MRPS18C: variants seen among roughly 807,000 people sequenced by gnomAD.
MRPS18C encodes the protein mitochondrial ribosomal protein S18C.
MRPS18C carries 21 observed loss-of-function variants against 21.0 expected under a neutral mutation model. The ratio of observed to expected loss-of-function variants is 1.00; its 90% confidence interval spans 0.71 to 1.44. The LOEUF (loss-of-function observed/expected upper bound fraction) is 1.44. Among genes scored for constraint, MRPS18C ranks in the 40% most tolerant of loss-of-function variants. The pLI is 0.00. For missense variants in MRPS18C, 152 were observed against 171.5 expected (o/e 0.89, Z 0.64); for synonymous variants, 65 against 54.3 (o/e 1.20, Z -0.87).
At chr4:83,460,066 T>C (rs946329226) in intron 4 of MRPS18C, 7 of 256,244 alleles carry the variant, frequency 2.7e-5, no homozygotes, top group Non-Finnish European at 5.1e-5. Context: ...CATTCCTAGA[T>C]TGATACTTAA....
Position 83,461,392 on chromosome 4 carries a change from G to T in MRPS18C, c.*195G>T. The T allele has an allele frequency of 1.8e-6, 1 of 552,622 alleles. No homozygotes were observed. Among genetic ancestry groups the T allele is most frequent in the African/African-American group, 1.9e-5 (1 of 53,108 alleles). 34.2% of individuals were successfully genotyped at this position (552,622 alleles called of 1,614,324 possible). ...ACACTCATCACATTTTATCTATGTT[G>T]AATAAAAGTGGTTCTGTGTGATTGT... On this transcript the variant is annotated 3_prime_UTR_variant, in exon 6 of 6. Transcript: ENST00000295491.
At chr4:83,459,609 T>C in intron 3 of MRPS18C, 131 bp from the exon 4 acceptor site, 1 of 740,750 alleles carries the variant, frequency 1.3e-6, no homozygotes, top group South Asian at 2.0e-5. Flanking sequence ...TATTTTTTTC[T>C]TATATTTTAT....
At chr4:83,456,267 C>T (rs1221342742) in intron 1 of MRPS18C, 90 bp downstream of exon 1, 2 of 1,123,932 alleles carry the variant, frequency 1.8e-6, no homozygotes, top group South Asian at 1.3e-5. Flanking sequence ...AGCAAAACGA[C>T]TCTGGTTTCT....
Position 83,462,015 on chromosome 4 carries a change from T to TA in MRPS18C, c.*819dup. The TA allele has an allele frequency of 4.4e-6, 1 of 228,458 alleles. No individual in the cohort carries two copies. The highest frequency in any genetic ancestry group is 8.7e-6 in the Non-Finnish European group (1 of 115,108). 14.2% of individuals were successfully genotyped at this position (228,458 alleles called of 1,614,324 possible). A position where few individuals can be genotyped will look rare whatever the true frequency, so the allele number is the denominator to read the frequency against. On this transcript the variant is annotated 3_prime_UTR_variant, in exon 6 of 6. Coordinates refer to ENST00000295491, the MANE Select transcript of MRPS18C (RefSeq NM_016067.4). ...TTTTAATGACTCAGATAAATTTTCA[T>TA]ATAAATTTCTTTCCATATTTTGAAA... is the stretch of plus-strand genomic sequence containing the variant.
rs1289646709 is a variant in MRPS18C, at chr4:83,461,202, T to C, written c.*5T>C. The C allele has an allele frequency of 5.6e-6, 9 of 1,610,322 alleles. No individual in the cohort carries two copies. The highest frequency in any genetic ancestry group is 6.8e-6 in the Non-Finnish European group (8 of 1,178,234). On this transcript the variant is annotated 3_prime_UTR_variant, in exon 6 of 6. Transcript: ENST00000295491. ...AACATCAGATATCGGGAATAAATTC[T>C]ATCACGTTACCACTAATAAACTTAT...
intron 5 of MRPS18C, 36 bp downstream of exon 5, chr4:83,461,068 G>A (rs1722087349): frequency 6.2e-7 from 1 of 1,611,870 alleles, no homozygotes; most frequent in South Asian, 1.1e-5. Flanking sequence ...AATTGAGCTA[G>A]CTGAAATTTT....
chr4:83,462,198 T>C lies in MRPS18C; in HGVS notation c.*1001T>C, dbSNP rs1358777497. 2.6e-6 allele frequency: 1 copy of C among 382,504 alleles called. No homozygotes were observed. Among genetic ancestry groups the C allele is most frequent in the African/African-American group, 2.1e-5 (1 of 48,348 alleles). 23.7% of individuals were successfully genotyped at this position (382,504 alleles called of 1,614,324 possible). On this transcript the variant is annotated 3_prime_UTR_variant, in exon 6 of 6. Transcript: ENST00000295491. ...GTGAGCCACTGTGCCTGGTCTCACT[T>C]TTCCAATTCTAAAGAATGTGTCTGT... is the stretch of plus-strand genomic sequence containing the variant.
In MRPS18C at chr4:83,456,135, G is replaced by A. The variant is rs1721806617; in HGVS notation, c.58G>A (p.Val20Ile). ...AGGGAGGAAGAAGTTGACACACTTG[G>A]TAACGGCTGCTGTCAGCCTTACACA... ...GLGRKKLTHL[V>I]TAAVSLTHPG... Residue 20 changes from valine (V) to isoleucine (I), a missense_variant, in exon 1 of 6, where the codon GTA becomes ATA. Val to Ile is a conservative substitution (Grantham distance 29). Coordinates refer to ENST00000295491, the MANE Select transcript of MRPS18C (RefSeq NM_016067.4). 6.2e-7 allele frequency: 1 copy of A among 1,613,628 alleles called. No individual in the cohort carries two copies. Among genetic ancestry groups the A allele is most frequent in the Non-Finnish European group, 8.5e-7 (1 of 1,180,020 alleles).
At position 83,459,627 on chromosome 4, in the gene MRPS18C, G is replaced by A. The variant is rs972068152; in HGVS notation, c.235-113G>A. ...TTTTTTCTTATATTTTATGAAATGTGTCTGAAATTTAGTAAAGCTTTATAT... is the reference window on the plus strand; with the variant it reads ...TTTTTTCTTATATTTTATGAAATGTATCTGAAATTTAGTAAAGCTTTATAT... On this transcript the variant is annotated intron_variant, in intron 3 of 5. Coordinates refer to ENST00000295491, the MANE Select transcript of MRPS18C (RefSeq NM_016067.4). The A allele has an allele frequency of 8.1e-6, 7 of 866,376 alleles. No homozygotes were observed. In the African/African-American group the frequency reaches 1.2e-4, roughly 15 times the overall value. The allele number at this position is 866,376 out of a possible 1,614,324, so 53.7% of individuals were successfully genotyped here.
intron 1 of MRPS18C, 26 bp from the exon 2 acceptor site, chr4:83,456,883 T>G (rs1721853658): frequency 6.2e-7 from 1 of 1,607,932 alleles, no homozygotes. Flanking sequence ...AAGAAATGGT[T>G]AATTGCTGTT....
In MRPS18C at chr4:83,461,486, G is replaced by C. The variant is rs1426380014; in HGVS notation, c.*289G>C. The C allele has an allele frequency of 2.9e-6, 1 of 342,800 alleles. No individual in the cohort carries two copies. The highest frequency in any genetic ancestry group is 4.4e-5 in the East Asian group (1 of 22,868). The allele number at this position is 342,800 out of a possible 1,614,324, so 21.2% of individuals were successfully genotyped here. A position where few individuals can be genotyped will look rare whatever the true frequency, so the allele number is the denominator to read the frequency against. ...AATAGAATGGAATTAAAACTGTTCAGAATGATTTTCCAACTAGCAAATATA... is the reference window on the plus strand; with the variant it reads ...AATAGAATGGAATTAAAACTGTTCACAATGATTTTCCAACTAGCAAATATA... On this transcript the variant is annotated 3_prime_UTR_variant, in exon 6 of 6. Coordinates refer to ENST00000295491, the MANE Select transcript of MRPS18C (RefSeq NM_016067.4).
At chr4:83,459,144 C>CAAAAAA (rs59202184) in intron 3 of MRPS18C, 26 of 48,104 alleles carry the variant, frequency 5.4e-4, no homozygotes, top group South Asian at 8.4e-4. Context: ...AAAACTCTGT[C>CAAAAAA]AAAAAAAAAA....
Position 83,462,112 on chromosome 4 carries a change from C to CT in MRPS18C, c.*916dup, listed in dbSNP as rs1329194329. On this transcript the variant is annotated 3_prime_UTR_variant, in exon 6 of 6. Transcript: ENST00000295491. ...CTCAATACGTTGCCCAGGCTGGTCT[C>CT]TAACTCCTAACTTCAATCAATCCTC... 8.1e-6 allele frequency: 2 copies of CT among 248,266 alleles called. No homozygotes were observed. The highest frequency in any genetic ancestry group is 2.2e-5 in the African/African-American group (1 of 45,696). The allele number at this position is 248,266 out of a possible 1,614,324, so 15.4% of individuals were successfully genotyped here.
rs1722098849 is a variant in MRPS18C, at chr4:83,461,223, C to A, written c.*26C>A. 2 of 1,596,916 alleles carry A rather than the reference C, an allele frequency of 1.3e-6. No individual in the cohort carries two copies. The highest frequency in any genetic ancestry group is 1.7e-6 in the Non-Finnish European group (2 of 1,166,592). On this transcript the variant is annotated 3_prime_UTR_variant, in exon 6 of 6. Coordinates refer to ENST00000295491, the MANE Select transcript of MRPS18C (RefSeq NM_016067.4). ...ATTCTATCACGTTACCACTAATAAACTTATTTTACAGTAAGTGGTTGTATG... is the reference window on the plus strand; with the variant it reads ...ATTCTATCACGTTACCACTAATAAAATTATTTTACAGTAAGTGGTTGTATG...
rs199771286 is a variant in MRPS18C, at chr4:83,456,134, G to C, written c.57G>C (p.Leu19Phe). 933 of 1,613,644 alleles carry C rather than the reference G, an allele frequency of 5.8e-4. 4 individuals are homozygous for C. Among genetic ancestry groups the C allele is most frequent in the Middle Eastern group, 4.1e-3 (23 of 5,606 alleles). The stretch of plus-strand genomic sequence containing the variant: ...TAGGGAGGAAGAAGTTGACACACTT[G>C]GTAACGGCTGCTGTCAGCCTTACAC... ...GGLGRKKLTH[L>F]VTAAVSLTHP... is the part of the protein sequence containing the mutation. Residue 19 changes from leucine to phenylalanine, a missense_variant, in exon 1 of 6, where the codon TTG becomes TTC. Around this residue, in one of 2 missense-constraint regions of MRPS18C, gnomAD observed 118 missense variants for 104.4 expected, o/e 1.13. Transcript: ENST00000295491.
rs1721864817 is a variant in MRPS18C at position 83,456,970 on chromosome 4, T to C, written c.150+12T>C. 1 of 1,610,956 alleles carries C rather than the reference T, an allele frequency of 6.2e-7. No homozygotes were observed. The highest frequency in any genetic ancestry group is 8.5e-7 in the Non-Finnish European group (1 of 1,179,444). On this transcript the variant is annotated intron_variant, in intron 2 of 5. Coordinates refer to ENST00000295491, the MANE Select transcript of MRPS18C (RefSeq NM_016067.4). Reference sequence around the variant, plus strand: ...GCAATGAGGACCTGGTAAGAATTTTTTTTTCTATTAGTAAGGCCTTTGCAA... The same window carrying C: ...GCAATGAGGACCTGGTAAGAATTTTCTTTTCTATTAGTAAGGCCTTTGCAA...
In MRPS18C at chr4:83,456,977, A is replaced by C. The variant is rs768802564; in HGVS notation, c.150+19A>C. ...GGACCTGGTAAGAATTTTTTTTTCT[A>C]TTAGTAAGGCCTTTGCAAATATGAC... On this transcript the variant is annotated intron_variant, in intron 2 of 5. Coordinates refer to ENST00000295491, the MANE Select transcript of MRPS18C (RefSeq NM_016067.4). The C allele has an allele frequency of 3.7e-6, 6 of 1,608,308 alleles. No homozygotes were observed. The Admixed American group carries it at 6.7e-5, about 18-fold the overall frequency.
Position 83,458,332 on chromosome 4 carries a change from GT to G in MRPS18C, c.151-7del, listed in dbSNP as rs752046899. 6.4e-7 allele frequency: 1 copy of G among 1,554,638 alleles called. No individual in the cohort carries two copies. The highest frequency in any genetic ancestry group is 1.1e-5 in the South Asian group (1 of 87,816). On this transcript the variant is annotated splice_polypyrimidine_tract_variant and intron_variant, in intron 2 of 5. Coordinates refer to ENST00000295491, the MANE Select transcript of MRPS18C (RefSeq NM_016067.4). ...AACACATCCTATTATCAGACTTTTC[GT>G]TTTTTTCCCTAGCCCATTTCAATGG... is the stretch of plus-strand genomic sequence containing the variant.
In MRPS18C at chr4:83,461,775, A is replaced by G. The variant is rs1722127984; in HGVS notation, c.*578A>G. 1 of 228,484 alleles carries G rather than the reference A, an allele frequency of 4.4e-6. No homozygotes were observed. Among genetic ancestry groups the G allele is most frequent in the Non-Finnish European group, 8.7e-6 (1 of 115,244 alleles). The allele number at this position is 228,484 out of a possible 1,614,324, so 14.2% of individuals were successfully genotyped here. ...CTGTATTCAAAATGATAGATTTGCT[A>G]AATTTCATGCAAAGGACTCTAAACT... On this transcript the variant is annotated 3_prime_UTR_variant, in exon 6 of 6. Coordinates refer to ENST00000295491, the MANE Select transcript of MRPS18C (RefSeq NM_016067.4).
Sources: allele counts gnomAD v4.1 joint callset, GRCh38; gene constraint gnomAD v4.1.1; regional missense constraint gnomAD v4.1.1; transcripts MANE v1.5; gene names NCBI Gene and HGNC (gene_info 2026-07-23, HGNC 2026-07-21).